Variants in GALNTL6 observed in about 807,000 individuals in gnomAD.
GALNTL6 encodes polypeptide N-acetylgalactosaminyltransferase like 6.
In GALNTL6, 46 loss-of-function variants were observed where a neutral mutation model predicts 73.7. The ratio of observed to expected loss-of-function variants is 0.62; its 90% CI spans 0.49 to 0.80. GALNTL6 has a LOEUF of 0.80. Among genes scored for constraint, GALNTL6 ranks in the 30% least tolerant of loss-of-function variants. The pLI is 0.00. For synonymous variants in GALNTL6, 259 were observed against 263.7 expected, an observed-to-expected ratio of 0.98 and a Z score of 0.17; for missense variants, 604 against 755.0, an observed-to-expected ratio of 0.80 and a Z score of 2.34.
chr4:172,786,184 G>A (rs553556033), intron 5 of GALNTL6, among the ~76,000 whole-genome samples: 6 of 151,632 alleles, frequency 4.0e-5, no homozygotes, highest in East Asian at 1.9e-4. Context: ...GCTGCCAGTC[G>A]CAGCAACTGA....
intron 2 of GALNTL6, among the ~76,000 whole-genome samples, chr4:171,921,366 C>G (rs967410328): frequency 6.6e-6 from 1 of 152,044 alleles, no homozygotes. Context: ...AACTATCTGT[C>G]TCTTCTATCC....
chr4:172,834,437 C>T (rs755780547), intron 7 of GALNTL6, among the ~76,000 whole-genome samples: 35 of 152,194 alleles, frequency 2.3e-4, no homozygotes, highest in Admixed American at 2.0e-4. Flanking sequence ...GGTGGTTTGA[C>T]CACTCATGCC....
intron 2 of GALNTL6, among the ~76,000 whole-genome samples, chr4:172,033,339 T>TC (rs1741827902): frequency 6.6e-6 from 1 of 152,048 alleles, no homozygotes. Context: ...AGTATTTTTT[T>TC]CTATAGTGTA....
At chr4:172,329,864 C>T (rs1448845387) in intron 4 of GALNTL6, among the ~76,000 whole-genome samples, 3 of 152,156 alleles carry the variant, frequency 2.0e-5, no homozygotes, top group Non-Finnish European at 4.4e-5. Flanking sequence ...CCAGGAGGTC[C>T]CACTTACTGA....
At chr4:172,464,568 GT>G (rs1172815940) in intron 5 of GALNTL6, among the ~76,000 whole-genome samples, 2 of 151,998 alleles carry the variant, frequency 1.3e-5, no homozygotes, top group Non-Finnish European at 2.9e-5. Context: ...TTAGCCGAGT[GT>G]GGTGGCGCAT....
chr4:172,147,064 T>G (rs1034717341), intron 2 of GALNTL6, among the ~76,000 whole-genome samples: 2 of 152,220 alleles, frequency 1.3e-5, no homozygotes, highest in South Asian at 4.1e-4. Context: ...ATATTGTCAC[T>G]TGCTTTATTG....
intron 10 of GALNTL6, among the ~76,000 whole-genome samples, chr4:172,966,298 C>T (rs1438381176): frequency 2.0e-5 from 3 of 152,152 alleles, no homozygotes; most frequent in African/African-American, 4.8e-5. Context: ...CATCCAGTAA[C>T]CATCCACAAG....
At chr4:172,660,575 C>G (rs750874691) in intron 5 of GALNTL6, among the ~76,000 whole-genome samples, 8 of 152,310 alleles carry the variant, frequency 5.3e-5, no homozygotes, top group Non-Finnish European at 1.2e-4. Flanking sequence ...TACTGGCTAA[C>G]AGTGAGTGAG....
chr4:172,286,312 G>A (rs773341591), intron 3 of GALNTL6, among the ~76,000 whole-genome samples: 32 of 152,064 alleles, frequency 2.1e-4, no homozygotes, highest in Non-Finnish European at 3.4e-4. Context: ...TGTGATGAAC[G>A]AGGTCTTTAT....
rs561524527 is a variant in GALNTL6 at position 172,506,406 on chromosome 4, C to T, written c.553+157717C>T. ...GTTGAGGGTGTCCTCTTATCAACAC[C>T]CTCAGCTGTCCTACGATCATTAAAC... On this transcript the variant is annotated intron_variant, in intron 5 of 12. Coordinates refer to ENST00000506823, the MANE Select transcript of GALNTL6 (RefSeq NM_001034845.3). 2.9e-3 allele frequency among the ~76,000 whole-genome samples: 159 copies of T among 54,030 alleles called. 65 individuals are homozygous for T. Among genetic ancestry groups the T allele is most frequent in the African/African-American group, 7.0e-3 (150 of 21,578 alleles). The allele number at this position is 54,030 out of a possible 152,430, so 35.4% of individuals were successfully genotyped here. A position where few individuals can be genotyped will look rare whatever the true frequency, so the allele number is the denominator to read the frequency against.
chr4:172,991,874 C>T (rs755589391), intron 10 of GALNTL6, among the ~76,000 whole-genome samples: 1 of 152,072 alleles, frequency 6.6e-6, no homozygotes, highest in Non-Finnish European at 1.5e-5. Flanking sequence ...AGCCCAGTTC[C>T]GGCCCTGCAT....
chr4:172,454,889 ATT>A (rs757122754), intron 5 of GALNTL6, among the ~76,000 whole-genome samples: 1 of 151,696 alleles, frequency 6.6e-6, no homozygotes, highest in Non-Finnish European at 1.5e-5. Flanking sequence ...TCATGCAGGC[ATT>A]TTTTTTTAAA....
chr4:172,151,447 A>G (rs1734084710), intron 2 of GALNTL6, among the ~76,000 whole-genome samples: 1 of 152,240 alleles, frequency 6.6e-6, no homozygotes, highest in Non-Finnish European at 1.5e-5. Flanking sequence ...ACCATAAAAT[A>G]TATTTTCCAA....
chr4:172,193,308 C>T (rs1400317052), intron 2 of GALNTL6, among the ~76,000 whole-genome samples: 1 of 152,132 alleles, frequency 6.6e-6, no homozygotes, highest in Non-Finnish European at 1.5e-5. Context: ...ATGGAGCTCC[C>T]AGAAGAAGTA....
intron 5 of GALNTL6, among the ~76,000 whole-genome samples, chr4:172,600,797 GA>G (rs1738026364): frequency 6.6e-6 from 1 of 152,070 alleles, no homozygotes; most frequent in Non-Finnish European, 1.5e-5. Flanking sequence ...AACCAGCCTG[GA>G]AAGGTCAAGA....
At chr4:172,254,953 TATTAA>T (rs1738021777) in intron 3 of GALNTL6, among the ~76,000 whole-genome samples, 1 of 151,670 alleles carries the variant, frequency 6.6e-6, no homozygotes. Flanking sequence ...TTACAAAATT[TATTAA>T]ATTAAATTAT....
At chr4:172,393,865 T>G (rs1217080789) in intron 5 of GALNTL6, among the ~76,000 whole-genome samples, 1 of 152,206 alleles carries the variant, frequency 6.6e-6, no homozygotes, top group Admixed American at 6.5e-5. Context: ...CGATTTTATT[T>G]TATATTTATG....
Position 172,886,228 on chromosome 4 carries a change from A to G in GALNTL6, c.1041+3321A>G, listed in dbSNP as rs73002045. On this transcript the variant is annotated intron_variant, in intron 8 of 12. Coordinates refer to ENST00000506823, the MANE Select transcript of GALNTL6 (RefSeq NM_001034845.3). Reference sequence around the variant, plus strand: ...GCTTTGATTTCATTATTCCTTATTGATCTCTTCAGGTTTTCTTTTTCTTCA... The same window carrying G: ...GCTTTGATTTCATTATTCCTTATTGGTCTCTTCAGGTTTTCTTTTTCTTCA... 7.5e-3 allele frequency among the ~76,000 whole-genome samples: 1,143 copies of G among 152,054 alleles called. 9 individuals carry two copies. Among genetic ancestry groups the G allele is most frequent in the African/African-American group, 0.024 (998 of 41,458 alleles).
intron 5 of GALNTL6, among the ~76,000 whole-genome samples, chr4:172,630,222 C>T (rs1389354060): frequency 6.6e-6 from 1 of 152,096 alleles, no homozygotes; most frequent in Non-Finnish European, 1.5e-5. Context: ...CATTACAAAC[C>T]TAAAAAGACT....
Sources: gnomAD v4.1 joint callset for allele counts (sites outside exome capture counted in the v4.1 genomes callset) on GRCh38, gnomAD v4.1.1 for gene constraint, MANE v1.5 for transcripts, NCBI Gene and HGNC (gene_info 2026-07-23, HGNC 2026-07-21) for gene names.